Variants in PMEL observed in about 807,000 individuals in gnomAD.
PMEL encodes the protein premelanosome protein, also known as melanocyte protein PMEL.
In PMEL, 53 loss-of-function variants were observed where a neutral mutation model predicts 64.9. The observed-to-expected ratio is 0.82, with a 90% CI of 0.66 to 1.03. The LOEUF (loss-of-function observed/expected upper bound fraction) is 1.03, where lower values mean the gene tolerates loss of function less well. PMEL is among the 50% of genes least tolerant of loss of function. PMEL has a pLI of 0.00. For synonymous variants in PMEL, 299 were observed against 316.2 expected (o/e 0.95, Z 0.58); for missense variants, 716 against 814.9 (o/e 0.88, Z 1.48).
At position 55,958,614 on chromosome 12, in the gene PMEL, G is replaced by C. The variant is rs902502956; in HGVS notation, c.335-7C>G. On this transcript the variant is annotated splice_region_variant and splice_polypyrimidine_tract_variant and intron_variant, in intron 3 of 10. Coordinates refer to ENST00000548747, the MANE Select transcript of PMEL (RefSeq NM_001384361.1). ...CCTCCCCACACCTGGCTCCCTGAAA[G>C]ATAAATACAGAGTCACTCTCAAACC... is the stretch of plus-strand genomic sequence containing the variant. The C allele has an allele frequency of 6.2e-7, 1 of 1,612,426 alleles. No individual in the cohort carries two copies. Among genetic ancestry groups the C allele is most frequent in the Non-Finnish European group, 8.5e-7 (1 of 1,179,496 alleles).
chr12:55,956,930 T>C lies in PMEL; in HGVS notation c.1354+19A>G. 1.2e-6 allele frequency: 2 copies of C among 1,610,582 alleles called. No individual in the cohort carries two copies. Among genetic ancestry groups the C allele is most frequent in the South Asian group, 2.2e-5 (2 of 90,642 alleles). ...GGGTACCCCACCTCCGTGAACCTCATTCGCACTGATACTCTTACCTGTAAT... is the reference window on the plus strand; with the variant it reads ...GGGTACCCCACCTCCGTGAACCTCACTCGCACTGATACTCTTACCTGTAAT... On this transcript the variant is annotated intron_variant, in intron 6 of 10. Transcript: ENST00000548747.
intron 3 of PMEL, chr12:55,961,112 G>C (rs1889085377): frequency 2.1e-6 from 1 of 481,866 alleles, no homozygotes; most frequent in African/African-American, 2.0e-5. Flanking sequence ...GGCTGAGGCA[G>C]GAGAATGGCG....
At position 55,961,642 on chromosome 12, in the gene PMEL, T is replaced by C; in HGVS notation, c.167A>G (p.Gln56Arg). The C allele has an allele frequency of 1.2e-6, 2 of 1,613,936 alleles. No homozygotes were observed. The highest frequency in any genetic ancestry group is 1.7e-6 in the Non-Finnish European group (2 of 1,179,898). The change falls in exon 2 of 11, where the codon CAG becomes CGG. Residue 56 changes from glutamine to arginine, a missense_variant. Gln to Arg is a conservative substitution (Grantham distance 43). Transcript: ENST00000548747. ...RQLYPEWTEA[Q>R]RLDCWRGGQV... Reference sequence around the variant, plus strand: ...CCTACCTCTCCAGCAGTCAAGTCTCTGGGCTTCTGTCCACTCTGGATACAG... The same window carrying C: ...CCTACCTCTCCAGCAGTCAAGTCTCCGGGCTTCTGTCCACTCTGGATACAG...
intron 1 of PMEL, among the ~76,000 whole-genome samples, chr12:55,964,413 G>T (rs1006060242): frequency 1.3e-5 from 2 of 151,966 alleles, no homozygotes; most frequent in Non-Finnish European, 2.9e-5. Context: ...ACCTGCCTTG[G>T]TCTCGCAAAG....
At chr12:55,956,544 C>A in intron 6 of PMEL, 1 of 324,810 alleles carries the variant, frequency 3.1e-6, no homozygotes, top group Non-Finnish European at 5.7e-6. Flanking sequence ...TGTTTCATTC[C>A]TCCCTTTTTG....
intron 10 of PMEL, among the ~76,000 whole-genome samples, chr12:55,955,019 T>C (rs1045871768): frequency 1.3e-5 from 2 of 152,240 alleles, no homozygotes; most frequent in African/African-American, 4.8e-5. Flanking sequence ...CTTTACTCAT[T>C]GTTTCTAATC....
intron 3 of PMEL, among the ~76,000 whole-genome samples, chr12:55,960,537 G>GT (rs760692409): frequency 0.088 from 8,530 of 97,126 alleles, 807 homozygotes; most frequent in African/African-American, 0.19. Context: ...TTTGCTTTCT[G>GT]TTTTTTTTTT....
At position 55,961,643 on chromosome 12, in the gene PMEL, G is replaced by A; in HGVS notation, c.166C>T (p.Gln56Ter). 1.2e-6 allele frequency: 2 copies of A among 1,613,702 alleles called. No individual in the cohort carries two copies. Among genetic ancestry groups the A allele is most frequent in the South Asian group, 2.2e-5 (2 of 91,062 alleles). Reference protein sequence around the residue: ...RQLYPEWTEAQRLDCWRGGQV... With the variant: ...RQLYPEWTEA ...CTACCTCTCCAGCAGTCAAGTCTCT[G>A]GGCTTCTGTCCACTCTGGATACAGC... Residue 56 changes from glutamine (Q) to a stop codon, truncating the protein, a stop_gained, in exon 2 of 11, where the codon CAG becomes TAG. Transcript: ENST00000548747. LOFTEE classifies it high-confidence loss of function.
intron 1 of PMEL, among the ~76,000 whole-genome samples, chr12:55,962,958 C>T (rs1270078942): frequency 6.6e-6 from 1 of 151,842 alleles, no homozygotes; most frequent in African/African-American, 2.4e-5. Context: ...GTCAGGAGTT[C>T]GAGACCAGCC....
rs749775860 is a variant in PMEL, at chr12:55,957,075, GCAC to G, written c.1225_1227del (p.Val409del). 3.7e-6 allele frequency: 6 copies of G among 1,614,188 alleles called. No individual in the cohort carries two copies. Among genetic ancestry groups the G allele is most frequent in the Non-Finnish European group, 4.2e-6 (5 of 1,180,034 alleles). On this transcript the variant is annotated inframe_deletion, in exon 6 of 11. Transcript: ENST00000548747. ...ACCTGTGCAGCTGTGGTTCCAGAAA[GCAC>G]CACAATTGATACCTCTGCAGGTGTC...
Position 55,955,344 on chromosome 12 carries a change from C to T in PMEL, c.1780G>A (p.Gly594Arg), listed in dbSNP as rs374507674. 143 of 1,614,092 alleles carry T rather than the reference C, an allele frequency of 8.9e-5. No individual in the cohort carries two copies. The highest frequency in any genetic ancestry group is 1.2e-4 in the Non-Finnish European group (138 of 1,180,044). The change falls in exon 10 of 11, where the codon GGG (glycine) becomes AGG (arginine). Residue 594 changes from glycine (G) to arginine (R), a missense_variant. By Grantham distance (125) the Gly-to-Arg change is moderately radical. Coordinates refer to ENST00000548747, the MANE Select transcript of PMEL (RefSeq NM_001384361.1). ...ATGCCCACGATCAGCGGAACCTGCC[C>T]AAGGCCTGCTTCTTGACCTGTGAGA... is the stretch of plus-strand genomic sequence containing the variant. ...LIMPGQEAGLGQVPLIVGILL... is the reference protein window; with the variant it reads ...LIMPGQEAGLRQVPLIVGILL...
intron 3 of PMEL, among the ~76,000 whole-genome samples, chr12:55,959,841 G>A (rs61956437): frequency 7.9e-5 from 12 of 151,260 alleles, no homozygotes; most frequent in Non-Finnish European, 1.5e-4. Context: ...GCACTAGATA[G>A]CATTTATTTA....
chr12:55,961,262 C>CAT, intron 3 of PMEL, 55 bp downstream of exon 3: 1 of 1,512,430 alleles, frequency 6.6e-7, no homozygotes. Context: ...GCTCACTGGG[C>CAT]ATACCAGGGA....
In PMEL at chr12:55,957,389, G is replaced by A. The variant is rs763914807; in HGVS notation, c.914C>T (p.Pro305Leu). ...GTGCCCATCTGTGGTGCCTGGAACT[G>A]GGGAGGAGCCACAGGAGGTGAGAGG... ...AIPLTSCGSSPVPGTTDGHRP... is the reference protein window; with the variant it reads ...AIPLTSCGSSLVPGTTDGHRP... The change falls in exon 6 of 11, where the codon CCA (proline) becomes CTA (leucine). Residue 305 changes from proline to leucine, a missense_variant. Physicochemically the swap from Pro to Leu is moderately conservative, Grantham distance 98 (BLOSUM62 -3). Coordinates refer to ENST00000548747, the MANE Select transcript of PMEL (RefSeq NM_001384361.1). 8.1e-6 allele frequency: 13 copies of A among 1,600,140 alleles called. No individual in the cohort carries two copies. The highest frequency in any genetic ancestry group is 2.7e-5 in the African/African-American group (2 of 74,668).
chr12:55,961,159 T>C lies in PMEL; in HGVS notation c.334+158A>G, dbSNP rs374021188. On this transcript the variant is annotated intron_variant, in intron 3 of 10. Coordinates refer to ENST00000548747, the MANE Select transcript of PMEL (RefSeq NM_001384361.1). ...GGCAGAGCTTGCAGTGAGCCGAGAT[T>C]GCGCCACTGCACTCCAGCCTGGGCG... 1.9e-4 allele frequency: 112 copies of C among 604,220 alleles called. No homozygotes were observed. In the African/African-American group the frequency reaches 1.9e-3, roughly 10 times the overall value. 37.4% of individuals were successfully genotyped at this position (604,220 alleles called of 1,614,324 possible). A position where few individuals can be genotyped will look rare whatever the true frequency, so the allele number is the denominator to read the frequency against.
Position 55,955,780 on chromosome 12 carries a change from C to T in PMEL, c.1555G>A (p.Gly519Arg), listed in dbSNP as rs199615476. Residue 519 changes from glycine (G) to arginine (R), a missense_variant and splice_region_variant, in exon 8 of 11, where the codon GGG becomes AGG. By Grantham distance (125) the Gly-to-Arg change is moderately radical. Coordinates refer to ENST00000548747, the MANE Select transcript of PMEL (RefSeq NM_001384361.1). The stretch of plus-strand genomic sequence containing the variant: ...CCAGCACACTAGTGAGACACTCACC[C>T]GCCTTGGCAGGACACAGTCAGCTCA... ...AFELTVSCQG[G>R]LPKEACMEIS... 42 of 1,613,494 alleles carry T rather than the reference C, an allele frequency of 2.6e-5. No individual in the cohort carries two copies. The highest frequency in any genetic ancestry group is 4.5e-5 in the East Asian group (2 of 44,880).
rs762978208 is a variant in PMEL at position 55,957,387 on chromosome 12, C to G, written c.916G>C (p.Val306Leu). ...CTGTGCCCATCTGTGGTGCCTGGAA[C>G]TGGGGAGGAGCCACAGGAGGTGAGA... Reference protein sequence around the residue: ...IPLTSCGSSPVPGTTDGHRPT... With the variant: ...IPLTSCGSSPLPGTTDGHRPT... Residue 306 changes from valine (V) to leucine (L), a missense_variant, in exon 6 of 11, where the codon GTT becomes CTT. Val to Leu is a conservative substitution (Grantham distance 32). Transcript: ENST00000548747. 2 of 1,599,376 alleles carry G rather than the reference C, an allele frequency of 1.3e-6. No individual in the cohort carries two copies. Among genetic ancestry groups the G allele is most frequent in the Non-Finnish European group, 1.7e-6 (2 of 1,171,704 alleles).
chr12:55,955,166 G>T, intron 10 of PMEL, 108 bp downstream of exon 10: 1 of 874,826 alleles, frequency 1.1e-6, no homozygotes, highest in Non-Finnish European at 2.0e-6. Context: ...GCTCTTTCCT[G>T]GACACCATGC....
intron 1 of PMEL, among the ~76,000 whole-genome samples, chr12:55,964,756 G>C (rs538294645): frequency 6.6e-6 from 1 of 151,902 alleles, no homozygotes; most frequent in East Asian, 1.9e-4. Flanking sequence ...CTCCCAAGTA[G>C]TTGGGATTAC....
Sources: allele counts gnomAD v4.1 joint callset (sites outside exome capture counted in the v4.1 genomes callset), GRCh38; gene constraint gnomAD v4.1.1; transcripts MANE v1.5; gene names NCBI Gene and HGNC (gene_info 2026-07-23, HGNC 2026-07-21).